DLC1: variants seen among roughly 807,000 people sequenced by gnomAD.
DLC1 encodes rho GTPase-activating protein 7.
Under a neutral mutation model 140.3 loss-of-function variants are expected in DLC1, and 54 were observed. The ratio of observed to expected loss-of-function variants is 0.38; its 90% CI spans 0.31 to 0.48. The LOEUF (loss-of-function observed/expected upper bound fraction) is 0.48. Ranked by LOEUF, DLC1 falls within the 20% of genes least tolerant of loss-of-function variation. The pLI is 0.96. For synonymous variants in DLC1, 986 were observed against 728.1 expected, an observed-to-expected ratio of 1.35 and a Z score of -5.70; for missense variants, 2,536 against 1,907.0, an observed-to-expected ratio of 1.33 and a Z score of -6.14.
chr8:13,510,895 T>C (rs1411385775), intron 1 of DLC1, among the ~76,000 whole-genome samples: 1 of 152,190 alleles, frequency 6.6e-6, no homozygotes, highest in East Asian at 1.9e-4. Context: ...TAGAAATTAT[T>C]ATTCTATTAT....
intron 1 of DLC1, chr8:13,567,462 G>C: frequency 6.4e-7 from 1 of 1,552,078 alleles, no homozygotes; most frequent in Non-Finnish European, 8.7e-7. Context: ...TGGATGTAGA[G>C]GCTTCAGAGA....
chr8:13,564,451 G>T (rs375087154), intron 1 of DLC1, among the ~76,000 whole-genome samples: 1 of 152,114 alleles, frequency 6.6e-6, no homozygotes, highest in South Asian at 2.1e-4. Flanking sequence ...TACTTGAGAA[G>T]TTGATGTAAA....
chr8:13,209,082 T>C (rs1827810672), intron 5 of DLC1, among the ~76,000 whole-genome samples: 1 of 152,284 alleles, frequency 6.6e-6, no homozygotes, highest in South Asian at 2.1e-4. Flanking sequence ...CTAAAGCCCG[T>C]AGATGCCAGA....
chr8:13,102,061 C>CA (rs1431612242), intron 8 of DLC1, among the ~76,000 whole-genome samples: 1 of 152,140 alleles, frequency 6.6e-6, no homozygotes, highest in African/African-American at 2.4e-5. Context: ...TTTGACTCCC[C>CA]AAGAAGGCAA....
At chr8:13,133,687 C>T (rs1030253986) in intron 5 of DLC1, among the ~76,000 whole-genome samples, 1 of 151,926 alleles carries the variant, frequency 6.6e-6, no homozygotes, top group Non-Finnish European at 1.5e-5. Flanking sequence ...ATTTACTTGG[C>T]GGAGGTGTCC....
intron 5 of DLC1, among the ~76,000 whole-genome samples, chr8:13,300,990 C>T (rs1007695872): frequency 1.3e-5 from 2 of 152,046 alleles, no homozygotes; most frequent in African/African-American, 4.8e-5. Flanking sequence ...GATGAGAGGG[C>T]GGTGCTGACA....
At chr8:13,099,091 A>G (rs1818754186) in intron 9 of DLC1, among the ~76,000 whole-genome samples, 1 of 138,878 alleles carries the variant, frequency 7.2e-6, no homozygotes, top group Non-Finnish European at 1.7e-5. Context: ...GAGTGGCACC[A>G]AGTTCATTCT....
intron 9 of DLC1, 26 bp from the exon 10 acceptor site, chr8:13,098,601 G>T (rs747350894): frequency 1.2e-6 from 2 of 1,602,724 alleles, no homozygotes; most frequent in South Asian, 1.1e-5. Context: ...AGAGGAAAAT[G>T]AGTGTGAAGC....
intron 5 of DLC1, among the ~76,000 whole-genome samples, chr8:13,153,371 G>A (rs752049296): frequency 1.3e-5 from 2 of 152,238 alleles, no homozygotes; most frequent in South Asian, 2.1e-4. Context: ...GGCCTCAGGA[G>A]TGAAGCTGCA....
chr8:13,563,225 C>G (rs963781967), intron 1 of DLC1, among the ~76,000 whole-genome samples: 1 of 152,146 alleles, frequency 6.6e-6, no homozygotes, highest in Non-Finnish European at 1.5e-5. Context: ...CTGATTCTAA[C>G]ACTTCAACTT....
intron 5 of DLC1, among the ~76,000 whole-genome samples, chr8:13,195,888 T>C (rs75881831): frequency 6.6e-6 from 1 of 152,148 alleles, no homozygotes; most frequent in Non-Finnish European, 1.5e-5. Flanking sequence ...AAATATAGAC[T>C]GTCACCTTTT....
At chr8:13,377,053 G>C (rs1836027836) in intron 4 of DLC1, among the ~76,000 whole-genome samples, 1 of 152,178 alleles carries the variant, frequency 6.6e-6, no homozygotes, top group African/African-American at 2.4e-5. Context: ...ACTAGTTCTT[G>C]GTTTGGGTAG....
At chr8:13,187,775 C>T (rs1286658910) in intron 5 of DLC1, among the ~76,000 whole-genome samples, 2 of 152,282 alleles carry the variant, frequency 1.3e-5, no homozygotes, top group East Asian at 1.9e-4. Flanking sequence ...GCACCACTAA[C>T]ATTTGTGGGA....
At chr8:13,287,755 A>G (rs1831585583) in intron 5 of DLC1, among the ~76,000 whole-genome samples, 1 of 152,214 alleles carries the variant, frequency 6.6e-6, no homozygotes, top group Admixed American at 6.5e-5. Context: ...CCGATGATGC[A>G]AGAATGTCGA....
At chr8:13,151,178 CAT>C (rs1353982866) in intron 5 of DLC1, among the ~76,000 whole-genome samples, 23 of 152,272 alleles carry the variant, frequency 1.5e-4, no homozygotes, top group African/African-American at 5.5e-4. Context: ...AAACATAAAA[CAT>C]ATGATGTTTA....
intron 1 of DLC1, among the ~76,000 whole-genome samples, chr8:13,543,568 T>A (rs1051125832): frequency 1.3e-5 from 2 of 152,128 alleles, no homozygotes; most frequent in African/African-American, 4.8e-5. Context: ...CATCAACCAC[T>A]GAGTGGATAA....
At chr8:13,309,331 C>A (rs988125216) in intron 4 of DLC1, among the ~76,000 whole-genome samples, 1 of 152,006 alleles carries the variant, frequency 6.6e-6, no homozygotes, top group African/African-American at 2.4e-5. Context: ...TTTTGTTTTT[C>A]TTCTCTAGGA....
At chr8:13,089,576 G>C (rs1817873211) in intron 15 of DLC1, among the ~76,000 whole-genome samples, 1 of 152,136 alleles carries the variant, frequency 6.6e-6, no homozygotes, top group Non-Finnish European at 1.5e-5. Flanking sequence ...AGTGAGCCGA[G>C]ATCATGCCAC....
Position 13,225,286 on chromosome 8 carries a change from T to C in DLC1, c.1348+79983A>G, listed in dbSNP as rs560440377. Among the ~76,000 whole-genome samples, 27 of 152,338 alleles carry C rather than the reference T, an allele frequency of 1.8e-4. No individual in the cohort carries two copies. In the South Asian group the frequency reaches 3.5e-3, roughly 20 times the overall value. ...AACACTTTCAAAAGGCTTCATTCTT[T>C]AGGCACTCAAAATTGTGTAATCAAC... On this transcript the variant is annotated intron_variant, in intron 5 of 17. Transcript: ENST00000276297.
Sources: allele counts gnomAD v4.1 joint callset (sites outside exome capture counted in the v4.1 genomes callset), GRCh38; gene constraint gnomAD v4.1.1; transcripts MANE v1.5; gene names NCBI Gene and HGNC (gene_info 2026-07-23, HGNC 2026-07-21).